The following ADAMTS17 variants were observed in gnomAD, a reference collection of about 807,000 sequenced individuals.
ADAMTS17 encodes the protein ADAM metallopeptidase with thrombospondin type 1 motif 17.
A neutral mutation model predicts 141.5 loss-of-function variants in ADAMTS17; 113 were observed. That is an observed-to-expected ratio of 0.80 (90% CI 0.69 to 0.93). ADAMTS17 has a LOEUF of 0.93. ADAMTS17 is among the 40% of genes least tolerant of loss of function. The pLI is 0.00. For missense variants in ADAMTS17, 1,659 were observed against 1,517.9 expected, an observed-to-expected ratio of 1.09 and a Z score of -1.54; for synonymous variants, 768 against 630.6, an observed-to-expected ratio of 1.22 and a Z score of -3.27.
At chr15:100,252,782 G>A (rs540935762) in intron 7 of ADAMTS17, among the ~76,000 whole-genome samples, 8 of 152,252 alleles carry the variant, frequency 5.3e-5, no homozygotes, top group Middle Eastern at 3.4e-3. Flanking sequence ...TTGACATCTC[G>A]CTCTCAGATC....
intron 10 of ADAMTS17, among the ~76,000 whole-genome samples, chr15:100,138,012 T>C (rs72770254): frequency 0.065 from 9,898 of 152,314 alleles, 427 homozygotes; most frequent in African/African-American, 0.11. Flanking sequence ...ACATTTTACC[T>C]TTGAAAGCTC....
chr15:100,199,834 G>T (rs1369556776), intron 7 of ADAMTS17, among the ~76,000 whole-genome samples: 3 of 152,168 alleles, frequency 2.0e-5, no homozygotes, highest in African/African-American at 7.2e-5. Flanking sequence ...AGCCAGCCAG[G>T]TAAGACACCG....
chr15:100,300,888 T>C (rs1180695004), intron 3 of ADAMTS17, among the ~76,000 whole-genome samples: 2 of 152,196 alleles, frequency 1.3e-5, no homozygotes, highest in African/African-American at 4.8e-5. Flanking sequence ...GTGGGTCCCT[T>C]AATCTAAACC....
intron 7 of ADAMTS17, among the ~76,000 whole-genome samples, chr15:100,239,203 G>A (rs944820966): frequency 5.3e-5 from 8 of 152,216 alleles, no homozygotes; most frequent in Non-Finnish European, 1.0e-4. Context: ...CTCCCTCTCT[G>A]CACCTCGGTT....
At chr15:100,225,335 C>A (rs1046425016) in intron 7 of ADAMTS17, among the ~76,000 whole-genome samples, 2 of 152,262 alleles carry the variant, frequency 1.3e-5, no homozygotes, top group African/African-American at 4.8e-5. Context: ...AGTGCCAGCA[C>A]ATGGCTCAAA....
At chr15:100,113,788 A>G (rs1190119788) in intron 13 of ADAMTS17, among the ~76,000 whole-genome samples, 1 of 152,182 alleles carries the variant, frequency 6.6e-6, no homozygotes, top group Non-Finnish European at 1.5e-5. Context: ...AGTCCTAACC[A>G]TCACGCCCCT....
At chr15:100,032,278 G>A (rs1368443973) in intron 18 of ADAMTS17, among the ~76,000 whole-genome samples, 1 of 152,100 alleles carries the variant, frequency 6.6e-6, no homozygotes, top group Non-Finnish European at 1.5e-5. Context: ...TTGTCTCAGA[G>A]GTCCAGGAAG....
chr15:100,123,986 CAG>C lies in ADAMTS17; in HGVS notation c.1722-6975_1722-6974del, dbSNP rs922999462. ...GTTCTAGGACTTTTTTTTTTTTGGA[CAG>C]AGTCTTGCTCTGTCATCCAGGCTGG... On this transcript the variant is annotated intron_variant, in intron 12 of 21. Coordinates refer to ENST00000268070, the MANE Select transcript of ADAMTS17 (RefSeq NM_139057.4). Among the ~76,000 whole-genome samples, 13 of 149,108 alleles carry C rather than the reference CAG, an allele frequency of 8.7e-5. 1 individual carries two copies. The highest frequency in any genetic ancestry group is 2.0e-4 in the East Asian group (1 of 5,096).
intron 3 of ADAMTS17, among the ~76,000 whole-genome samples, chr15:100,304,711 T>G (rs1016636675): frequency 2.4e-4 from 37 of 152,236 alleles, no homozygotes; most frequent in African/African-American, 8.9e-4. Context: ...TGCTCTGTAC[T>G]GCCGCCTTTG....
intron 18 of ADAMTS17, among the ~76,000 whole-genome samples, chr15:100,022,933 A>T (rs2061431474): frequency 6.6e-6 from 1 of 152,186 alleles, no homozygotes. Flanking sequence ...ACTTTTGCTC[A>T]GCAAGTATCT....
At chr15:100,298,192 A>C (rs889385629) in intron 3 of ADAMTS17, among the ~76,000 whole-genome samples, 2 of 152,174 alleles carry the variant, frequency 1.3e-5, no homozygotes, top group African/African-American at 4.8e-5. Flanking sequence ...AAGGTCCTAG[A>C]GTCAAGGGAA....
chr15:100,177,528 CT>C (rs1445475948), intron 8 of ADAMTS17, among the ~76,000 whole-genome samples: 1 of 152,116 alleles, frequency 6.6e-6, no homozygotes, highest in Non-Finnish European at 1.5e-5. Context: ...GATCTCAATT[CT>C]TTTAAACTTG....
chr15:100,258,311 T>C (rs560454358), intron 6 of ADAMTS17, among the ~76,000 whole-genome samples: 1 of 152,220 alleles, frequency 6.6e-6, no homozygotes, highest in East Asian at 1.9e-4. Context: ...CTATTGTGGC[T>C]GTACCATTTT....
At chr15:100,308,009 G>T (rs991358963) in intron 3 of ADAMTS17, among the ~76,000 whole-genome samples, 1 of 152,170 alleles carries the variant, frequency 6.6e-6, no homozygotes, top group African/African-American at 2.4e-5. Flanking sequence ...TGCCAAAAAC[G>T]TCTCCACTTT....
chr15:100,116,157 A>C (rs1009889968), intron 13 of ADAMTS17, among the ~76,000 whole-genome samples: 1 of 150,278 alleles, frequency 6.7e-6, no homozygotes, highest in Non-Finnish European at 1.5e-5. Context: ...AAAAAAAAAA[A>C]ACCCAACAAC....
rs539282810 is a variant in ADAMTS17 at position 100,252,442 on chromosome 15, C to T, written c.1075+1694G>A. ...GGGGCTGCCAGGGGAGAAGTACAGG[C>T]AAGCGCCACACGATTGAGAGATTAT... On this transcript the variant is annotated intron_variant, in intron 7 of 21. Transcript: ENST00000268070. 3.3e-5 allele frequency among the ~76,000 whole-genome samples: 5 copies of T among 152,304 alleles called. No homozygotes were observed. The South Asian group carries it at 1.0e-3, about 32-fold the overall frequency.
chr15:100,287,270 G>C (rs1009052262), intron 3 of ADAMTS17, among the ~76,000 whole-genome samples: 2 of 152,138 alleles, frequency 1.3e-5, no homozygotes, highest in African/African-American at 4.8e-5. Flanking sequence ...CTAACAGCAG[G>C]ATACACCAAG....
At chr15:100,276,577 G>A (rs372651599) in intron 4 of ADAMTS17, among the ~76,000 whole-genome samples, 1 of 151,826 alleles carries the variant, frequency 6.6e-6, no homozygotes, top group Non-Finnish European at 1.5e-5. Context: ...CCCACAACTC[G>A]GAGAGAAATG....
At chr15:100,329,573 A>G (rs2045989016) in intron 3 of ADAMTS17, among the ~76,000 whole-genome samples, 1 of 151,428 alleles carries the variant, frequency 6.6e-6, no homozygotes, top group South Asian at 2.1e-4. Flanking sequence ...CACACAACCA[A>G]CTGTCAGACC....
Sources: gnomAD v4.1 joint callset for allele counts (sites outside exome capture counted in the v4.1 genomes callset) on GRCh38, gnomAD v4.1.1 for gene constraint, MANE v1.5 for transcripts, NCBI Gene and HGNC (gene_info 2026-07-23, HGNC 2026-07-21) for gene names.